The following THSD7A variants were observed in gnomAD, a reference collection of about 807,000 sequenced individuals.
The protein encoded by THSD7A is thrombospondin type-1 domain-containing protein 7A.
THSD7A carries 96 observed loss-of-function variants against 231.3 expected under a neutral mutation model. The ratio of observed to expected loss-of-function variants is 0.41; its 90% CI spans 0.35 to 0.49. THSD7A has a LOEUF of 0.49. Ranked by LOEUF, THSD7A falls within the 20% of genes least tolerant of loss-of-function variation. The pLI, the probability that THSD7A is intolerant of heterozygous loss-of-function variation, is 0.05. For missense variants in THSD7A, 2,290 were observed against 2,070.2 expected (o/e 1.11, Z -2.06); for synonymous variants, 940 against 743.3 (o/e 1.26, Z -4.30).
chr7:11,700,978 A>G (rs1780580375), intron 1 of THSD7A, among the ~76,000 whole-genome samples: 1 of 151,314 alleles, frequency 6.6e-6, no homozygotes, highest in Admixed American at 6.6e-5. Flanking sequence ...TTATTTTACA[A>G]GAAAACAAAA....
intron 4 of THSD7A, among the ~76,000 whole-genome samples, chr7:11,562,206 A>G (rs1156416855): frequency 1.3e-5 from 2 of 152,206 alleles, no homozygotes; most frequent in African/African-American, 2.4e-5. Flanking sequence ...TCAAAGCTAA[A>G]TCATTTTTGT....
At chr7:11,767,542 CAT>C (rs1317571619) in intron 1 of THSD7A, among the ~76,000 whole-genome samples, 13 of 152,286 alleles carry the variant, frequency 8.5e-5, no homozygotes, top group African/African-American at 2.2e-4. Context: ...TGCTACAACA[CAT>C]GTTAACTTTC....
At chr7:11,556,343 C>T (rs2128327854) in intron 4 of THSD7A, among the ~76,000 whole-genome samples, 1 of 149,982 alleles carries the variant, frequency 6.7e-6, no homozygotes, top group Admixed American at 6.7e-5. Context: ...ATATATATAT[C>T]TTATCACAGC....
chr7:11,782,139 A>G (rs1410353242), intron 1 of THSD7A, among the ~76,000 whole-genome samples: 1 of 152,194 alleles, frequency 6.6e-6, no homozygotes. Context: ...AAAAGAAACT[A>G]AAACCGTATT....
intron 1 of THSD7A, among the ~76,000 whole-genome samples, chr7:11,652,102 C>T (rs777108830): frequency 5.9e-5 from 9 of 151,772 alleles, no homozygotes; most frequent in South Asian, 2.1e-4. Context: ...ATGGCTGTTA[C>T]GTTTCCTTTT....
At chr7:11,769,154 T>TATATATATATATATATATATATATA (rs1554275711) in intron 1 of THSD7A, among the ~76,000 whole-genome samples, 1 of 29,392 alleles carries the variant, frequency 3.4e-5, no homozygotes, top group Non-Finnish European at 7.9e-5. Context: ...TATATATATA[T>TATATATATATATATATATATATATA]TTTTTTTTTT....
chr7:11,742,226 A>G (rs924958383), intron 1 of THSD7A, among the ~76,000 whole-genome samples: 1 of 151,994 alleles, frequency 6.6e-6, no homozygotes, highest in Non-Finnish European at 1.5e-5. Flanking sequence ...GGAAAAATAT[A>G]TGATCATATT....
At chr7:11,704,714 A>C (rs1049400199) in intron 1 of THSD7A, among the ~76,000 whole-genome samples, 1 of 150,998 alleles carries the variant, frequency 6.6e-6, no homozygotes, top group African/African-American at 2.4e-5. Flanking sequence ...GAATGTATAG[A>C]TTTACTTCTT....
chr7:11,545,013 A>G (rs759353699), intron 4 of THSD7A, among the ~76,000 whole-genome samples: 1 of 152,158 alleles, frequency 6.6e-6, no homozygotes, highest in Non-Finnish European at 1.5e-5. Context: ...AATGACATAA[A>G]ATATAGAAAT....
intron 1 of THSD7A, among the ~76,000 whole-genome samples, chr7:11,778,740 T>C (rs907215733): frequency 2.6e-5 from 4 of 152,256 alleles, no homozygotes; most frequent in Middle Eastern, 3.4e-3. Context: ...TCATATTAAC[T>C]GAATCATATG....
intron 1 of THSD7A, among the ~76,000 whole-genome samples, chr7:11,728,172 A>T (rs189678501): frequency 2.5e-3 from 378 of 152,080 alleles, no homozygotes; most frequent in Admixed American, 7.5e-3. Flanking sequence ...ATTTTTGCTC[A>T]TATATTTTTA....
intron 4 of THSD7A, among the ~76,000 whole-genome samples, chr7:11,562,070 C>G (rs891855771): frequency 2.0e-5 from 3 of 152,120 alleles, no homozygotes; most frequent in Non-Finnish European, 4.4e-5. Context: ...GTTTTCAAAA[C>G]AGACTATTTG....
chr7:11,596,047 T>C (rs118071639), intron 2 of THSD7A, among the ~76,000 whole-genome samples: 2,888 of 152,332 alleles, frequency 0.019, 48 homozygotes, highest in Non-Finnish European at 0.029. Context: ...ATTTGAATTA[T>C]AAAAACAGAG....
chr7:11,760,150 C>T (rs950464956), intron 1 of THSD7A, among the ~76,000 whole-genome samples: 1 of 151,874 alleles, frequency 6.6e-6, no homozygotes, highest in Non-Finnish European at 1.5e-5. Context: ...CAATAAAATG[C>T]CCATTGTATC....
chr7:11,802,155 T>A (rs6949986), intron 1 of THSD7A, among the ~76,000 whole-genome samples: 6,002 of 152,236 alleles, frequency 0.039, 392 homozygotes, highest in African/African-American at 0.14. Flanking sequence ...CCTTGCTCCA[T>A]ACTTAGGAAA....
chr7:11,458,715 A>T (rs1187881618), intron 11 of THSD7A, among the ~76,000 whole-genome samples: 1 of 152,138 alleles, frequency 6.6e-6, no homozygotes, highest in Non-Finnish European at 1.5e-5. Flanking sequence ...GGGAGTGGGT[A>T]ACAAGTATTC....
intron 4 of THSD7A, among the ~76,000 whole-genome samples, chr7:11,569,618 TC>T: frequency 6.6e-6 from 1 of 152,306 alleles, no homozygotes; most frequent in African/African-American, 2.4e-5. Flanking sequence ...TGTTGTGGTT[TC>T]TCAAAAAATT....
chr7:11,624,144 G>C (rs1781404112), intron 2 of THSD7A, among the ~76,000 whole-genome samples: 1 of 152,008 alleles, frequency 6.6e-6, no homozygotes, highest in Admixed American at 6.6e-5. Context: ...ATTTCCACTT[G>C]AGTTGATCCT....
intron 24 of THSD7A, among the ~76,000 whole-genome samples, chr7:11,382,270 TTAGA>T (rs1266873242): frequency 6.6e-6 from 1 of 152,128 alleles, no homozygotes; most frequent in Non-Finnish European, 1.5e-5. Context: ...TTTATTAGAA[TTAGA>T]TAGTATTTTA....
Sources: gnomAD v4.1 joint callset for allele counts (sites outside exome capture counted in the v4.1 genomes callset) on GRCh38, gnomAD v4.1.1 for gene constraint, MANE v1.5 for transcripts, NCBI Gene and HGNC (gene_info 2026-07-23, HGNC 2026-07-21) for gene names.